Variants in RBM19 observed in about 807,000 individuals in gnomAD.
RBM19 encodes probable RNA-binding protein 19.
Under a neutral mutation model 116.8 loss-of-function variants are expected in RBM19, and 94 were observed. The ratio of observed to expected loss-of-function variants is 0.80; its 90% CI spans 0.68 to 0.95. The LOEUF is 0.95. RBM19 is among the 40% of genes least tolerant of loss of function. The pLI, the probability that RBM19 is intolerant of heterozygous loss-of-function variation, is 0.00. For missense variants in RBM19, 1,161 were observed against 1,220.7 expected (o/e 0.95, Z 0.73); for synonymous variants, 475 against 494.1 (o/e 0.96, Z 0.51).
chr12:113,936,307 G>A (rs553406243), intron 16 of RBM19, among the ~76,000 whole-genome samples: 1 of 152,320 alleles, frequency 6.6e-6, no homozygotes, highest in Admixed American at 6.5e-5. Flanking sequence ...TGGCTTCTAA[G>A]ATGTGGTCAT....
intron 22 of RBM19, among the ~76,000 whole-genome samples, chr12:113,858,498 C>T (rs551000178): frequency 5.3e-5 from 8 of 152,264 alleles, no homozygotes; most frequent in East Asian, 3.9e-4. Context: ...TTCTTGATGA[C>T]GTGGAGAGGC....
At chr12:113,881,243 C>T (rs377178404) in intron 21 of RBM19, among the ~76,000 whole-genome samples, 3 of 152,074 alleles carry the variant, frequency 2.0e-5, no homozygotes, top group African/African-American at 4.8e-5. Context: ...TGCCATGATA[C>T]GGCCGTTGTG....
Position 113,942,511 on chromosome 12 carries a change from T to C in RBM19, c.1627-77A>G. The C allele has an allele frequency of 4.1e-6, 5 of 1,208,064 alleles. No homozygotes were observed. In the South Asian group the frequency reaches 6.8e-5, roughly 16 times the overall value. The allele number at this position is 1,208,064 out of a possible 1,614,324, so 74.8% of individuals were successfully genotyped here. A position where few individuals can be genotyped will look rare whatever the true frequency, so the allele number is the denominator to read the frequency against. On this transcript the variant is annotated intron_variant, in intron 13 of 23. Transcript: ENST00000261741. ...CTGGCCCTCCCATCTCCCAACAGCC[T>C]GAAGAGGAGGCTGGGATGGAAATGG...
In RBM19 at chr12:113,893,042, T is replaced by A. The variant is rs77372247; in HGVS notation, c.2558+21927A>T. Among the ~76,000 whole-genome samples the A allele has an allele frequency of 4.9e-3, 748 of 151,404 alleles. 8 individuals carry two copies. The highest frequency in any genetic ancestry group is 0.017 in the African/African-American group (700 of 41,184). ...TAACTATTGATTTTTTTTTTTTTTT[T>A]AATAAGAGAGATGGGGTCTTGCTCT... is the stretch of plus-strand genomic sequence containing the variant. On this transcript the variant is annotated intron_variant, in intron 21 of 23. Transcript: ENST00000261741.
At chr12:113,852,433 A>G (rs1253372879) in intron 22 of RBM19, among the ~76,000 whole-genome samples, 1 of 152,246 alleles carries the variant, frequency 6.6e-6, no homozygotes, top group Admixed American at 6.5e-5. Flanking sequence ...CTGCTGAAGA[A>G]AACTTGGCAA....
chr12:113,871,276 C>A (rs766792594), intron 21 of RBM19, among the ~76,000 whole-genome samples: 3 of 152,260 alleles, frequency 2.0e-5, no homozygotes, highest in Non-Finnish European at 2.9e-5. Flanking sequence ...CTTGGCCCTG[C>A]CCCGTGGCCC....
rs1282787177 is a variant in RBM19, at chr12:113,937,117, T to C, written c.1958A>G (p.Tyr653Cys). Residue 653 changes from tyrosine (Y) to cysteine (C), a missense_variant, in exon 16 of 24, where the codon TAT (tyrosine) becomes TGT (cysteine). Transcript: ENST00000261741. ...GACGCCAACTGGAGCCCACTCCAGA[T>C]AGAGGGGGACATGATGGAACTGCAG... ...AYSKFHHVPL[Y>C]LEWAPVGVFS... The C allele has an allele frequency of 6.2e-7, 1 of 1,613,876 alleles. No homozygotes were observed. The highest frequency in any genetic ancestry group is 8.5e-7 in the Non-Finnish European group (1 of 1,179,946).
intron 14 of RBM19, among the ~76,000 whole-genome samples, chr12:113,941,427 G>A (rs750400358): frequency 5.3e-5 from 8 of 152,224 alleles, no homozygotes; most frequent in Admixed American, 3.3e-4. Flanking sequence ...AAGCACAGTA[G>A]AGCTGCTTTC....
intron 16 of RBM19, among the ~76,000 whole-genome samples, chr12:113,933,004 C>T (rs955167129): frequency 2.0e-5 from 3 of 152,070 alleles, no homozygotes; most frequent in African/African-American, 2.4e-5. Context: ...TCCCGGCTCT[C>T]GGCGCTGGAG....
intron 17 of RBM19, 75 bp from the exon 18 acceptor site, chr12:113,924,832 AC>A: frequency 7.9e-7 from 1 of 1,272,690 alleles, no homozygotes; most frequent in Non-Finnish European, 1.1e-6. Context: ...CAAACACTAT[AC>A]CCCCAAATTT....
At chr12:113,857,492 C>T (rs1483930292) in intron 22 of RBM19, among the ~76,000 whole-genome samples, 1 of 152,232 alleles carries the variant, frequency 6.6e-6, no homozygotes, top group Non-Finnish European at 1.5e-5. Flanking sequence ...CCGCTGCTGC[C>T]CTGAGCCAAC....
At chr12:113,924,839 A>G (rs1868918670) in intron 17 of RBM19, 82 bp from the exon 18 acceptor site, 1 of 1,182,290 alleles carries the variant, frequency 8.5e-7, no homozygotes, top group South Asian at 1.2e-5. Flanking sequence ...TATACCCCCA[A>G]ATTTGCCATA....
At chr12:113,939,525 G>GGGAGGCTGAGGCGGGCA (rs1267775819) in intron 15 of RBM19, among the ~76,000 whole-genome samples, 2 of 151,836 alleles carry the variant, frequency 1.3e-5, no homozygotes, top group Non-Finnish European at 2.9e-5. Flanking sequence ...TGAGGCGGGC[G>GGGAGGCTGAGGCGGGCA]GATCACGAGG....
intron 21 of RBM19, among the ~76,000 whole-genome samples, chr12:113,876,454 T>C (rs1879674928): frequency 6.6e-6 from 1 of 152,284 alleles, no homozygotes; most frequent in East Asian, 1.9e-4. Flanking sequence ...AATAAATCTA[T>C]GGCAATGAAC....
chr12:113,881,916 G>A (rs556509975), intron 21 of RBM19, among the ~76,000 whole-genome samples: 119 of 152,358 alleles, frequency 7.8e-4, no homozygotes, highest in South Asian at 1.9e-3. Flanking sequence ...CTGCAGAGAC[G>A]ACCCACATGC....
Position 113,835,793 on chromosome 12 carries a change from T to C in RBM19, c.2785+8875A>G, listed in dbSNP as rs1875826252. The stretch of plus-strand genomic sequence containing the variant: ...CTGGTCATGTCTGCGCTCCCAGCTC[T>C]GGAGGTGAAAGGTAGAGACGCTAAC... On this transcript the variant is annotated intron_variant, in intron 23 of 23. Transcript: ENST00000261741. 6.6e-5 allele frequency among the ~76,000 whole-genome samples: 10 copies of C among 152,320 alleles called. No individual in the cohort carries two copies. The South Asian group carries it at 2.1e-3, about 32-fold the overall frequency.
At chr12:113,952,115 T>C (rs1336196765) in intron 8 of RBM19, among the ~76,000 whole-genome samples, 1 of 152,170 alleles carries the variant, frequency 6.6e-6, no homozygotes, top group African/African-American at 2.4e-5. Flanking sequence ...AGTATAAACC[T>C]GCAGGGAGGG....
At chr12:113,930,713 G>A (rs1414895248) in intron 16 of RBM19, among the ~76,000 whole-genome samples, 9 of 152,190 alleles carry the variant, frequency 5.9e-5, no homozygotes, top group African/African-American at 2.2e-4. Context: ...GGCTGACCCC[G>A]GAGACGTCCG....
At chr12:113,952,917 A>G (rs115030604) in intron 7 of RBM19, among the ~76,000 whole-genome samples, 2,406 of 152,232 alleles carry the variant, frequency 0.016, 72 homozygotes, top group African/African-American at 0.054. Flanking sequence ...TTCACTTCTC[A>G]TTAAGCTTGA....
Sources: gnomAD v4.1 joint callset for allele counts (sites outside exome capture counted in the v4.1 genomes callset) on GRCh38, gnomAD v4.1.1 for gene constraint, MANE v1.5 for transcripts, NCBI Gene and HGNC (gene_info 2026-07-23, HGNC 2026-07-21) for gene names.